Variants in GALNTL5 observed in about 807,000 individuals in gnomAD.
GALNTL5 encodes the protein inactive polypeptide N-acetylgalactosaminyltransferase-like protein 5.
GALNTL5 carries 44 observed loss-of-function variants against 51.0 expected under a neutral mutation model. The ratio of observed to expected loss-of-function variants is 0.86; its 90% CI spans 0.68 to 1.11. The LOEUF (loss-of-function observed/expected upper bound fraction) is 1.11, where lower values mean the gene tolerates loss of function less well. Among genes scored for constraint, GALNTL5 ranks in the 50% least tolerant of loss-of-function variants. The pLI, the probability that GALNTL5 is intolerant of heterozygous loss-of-function variation, is 0.00. For synonymous variants in GALNTL5, 192 were observed against 182.8 expected (o/e 1.05, Z -0.41); for missense variants, 528 against 531.8 (o/e 0.99, Z 0.07).
intron 5 of GALNTL5, among the ~76,000 whole-genome samples, chr7:151,997,889 A>G (rs907811261): frequency 6.6e-6 from 1 of 152,208 alleles, no homozygotes; most frequent in African/African-American, 2.4e-5. Flanking sequence ...AACTGGATTA[A>G]TGTTAATTTT....
At chr7:151,975,080 G>A (rs113150134) in intron 3 of GALNTL5, among the ~76,000 whole-genome samples, 1 of 152,022 alleles carries the variant, frequency 6.6e-6, no homozygotes, top group Non-Finnish European at 1.5e-5. Context: ...TTTAAAAAAT[G>A]TAATTTGGTC....
chr7:152,006,680 T>C (rs186322302), intron 6 of GALNTL5, among the ~76,000 whole-genome samples: 1 of 152,338 alleles, frequency 6.6e-6, no homozygotes, highest in African/African-American at 2.4e-5. Flanking sequence ...GGGTCTTGGT[T>C]TGTGTGTTGA....
At chr7:152,019,576 A>G (rs995730070) in intron 8 of GALNTL5, 70 bp from the exon 9 acceptor site, 1 of 1,415,906 alleles carries the variant, frequency 7.1e-7, no homozygotes, top group African/African-American at 1.4e-5. Context: ...CGTCTATGTT[A>G]GATATAATCA....
intron 8 of GALNTL5, among the ~76,000 whole-genome samples, chr7:152,015,474 C>A (rs190298261): frequency 1.1e-4 from 16 of 151,980 alleles, no homozygotes; most frequent in Non-Finnish European, 1.9e-4. Context: ...ATCCTCCTGC[C>A]TCAGCCTCTG....
Position 152,019,670 on chromosome 7 carries a change from G to T in GALNTL5, c.1201G>T (p.Gly401Cys). The change falls in exon 9 of 9, where the codon GGT becomes TGT. Residue 401 changes from glycine to cysteine, a missense_variant. Gly to Cys is a radical substitution (Grantham distance 159). Transcript: ENST00000392800. ...GGAGCAGTTTTTTCTTCGAAAGCCT[G>T]GTCTGAAATATGTCACCTACGGAAA... The part of the protein sequence containing the change: ...YKEQFFLRKP[G>C]LKYVTYGNIR... The T allele has an allele frequency of 6.2e-7, 1 of 1,612,362 alleles. No individual in the cohort carries two copies. The highest frequency in any genetic ancestry group is 8.5e-7 in the Non-Finnish European group (1 of 1,179,102).
intron 4 of GALNTL5, chr7:151,985,938 T>G (rs1471653913): frequency 2.6e-5 from 4 of 152,342 alleles, no homozygotes; most frequent in Non-Finnish European, 5.9e-5. Context: ...GGGATTACCA[T>G]GAACCTGTTC....
Position 152,002,771 on chromosome 7 carries a change from C to T in GALNTL5, c.716C>T (p.Pro239Leu), listed in dbSNP as rs778235919. Residue 239 changes from proline to leucine, a missense_variant, in exon 6 of 9, where the codon CCC (proline) becomes CTC (leucine). Coordinates refer to ENST00000392800, the MANE Select transcript of GALNTL5 (RefSeq NM_145292.4). ...GAGGTGAACAGAGTATGGCTGGAGC[C>T]CCTGCTGCATGCCATTGCCAAGGAC... Reference protein sequence around the residue: ...HCEVNRVWLEPLLHAIAKDPK... With the variant: ...HCEVNRVWLELLLHAIAKDPK... 6.2e-7 allele frequency: 1 copy of T among 1,614,108 alleles called. No homozygotes were observed. The highest frequency in any genetic ancestry group is 1.3e-5 in the African/African-American group (1 of 75,016).
intron 5 of GALNTL5, 118 bp from the exon 6 acceptor site, chr7:152,002,596 T>C: frequency 1.9e-6 from 2 of 1,040,808 alleles, no homozygotes; most frequent in Non-Finnish European, 2.8e-6. Context: ...ATGAAAGCAC[T>C]GTAAGAGCCA....
At chr7:152,005,231 A>T (rs969546956) in intron 6 of GALNTL5, among the ~76,000 whole-genome samples, 7 of 152,122 alleles carry the variant, frequency 4.6e-5, no homozygotes, top group African/African-American at 1.7e-4. Flanking sequence ...CTTAACACAC[A>T]CACACACAAA....
chr7:151,987,059 G>A, intron 4 of GALNTL5, 100 bp from the exon 5 acceptor site: 1 of 1,047,438 alleles, frequency 9.5e-7, no homozygotes, highest in Admixed American at 3.3e-5. Context: ...GAACTTCTGT[G>A]GAATAGCATG....
chr7:151,981,571 TTCCTTCCTTCCTTCCTTCCC>T (rs1315602894), intron 3 of GALNTL5, among the ~76,000 whole-genome samples: 25,711 of 67,910 alleles, frequency 0.38, 2,941 homozygotes, highest in Non-Finnish European at 0.45. Flanking sequence ...CCTTCCTTCC[TTCCTTCCTTCCTTCCTTCCC>T]TCCTTCCTTC....
chr7:151,981,977 C>A (rs1416640398), intron 3 of GALNTL5, among the ~76,000 whole-genome samples: 1 of 151,586 alleles, frequency 6.6e-6, no homozygotes, highest in African/African-American at 2.4e-5. Context: ...AAAGTTAGCT[C>A]CAGCAGATTT....
intron 2 of GALNTL5, among the ~76,000 whole-genome samples, chr7:151,970,171 G>A (rs1283559439): frequency 1.4e-5 from 2 of 139,492 alleles, no homozygotes; most frequent in Admixed American, 7.0e-5. Context: ...ACCAATAGAC[G>A]CCTGGCCGCT....
intron 6 of GALNTL5, among the ~76,000 whole-genome samples, chr7:152,006,510 C>T (rs2081645282): frequency 6.6e-6 from 1 of 152,130 alleles, no homozygotes; most frequent in Admixed American, 6.5e-5. Flanking sequence ...CAGTAGGCAC[C>T]CCACACCCGA....
chr7:151,960,844 A>G (rs374701596), intron 1 of GALNTL5, among the ~76,000 whole-genome samples: 1 of 152,224 alleles, frequency 6.6e-6, no homozygotes, highest in East Asian at 1.9e-4. Flanking sequence ...GTAGCGCAGC[A>G]CAGCATCCCA....
intron 7 of GALNTL5, among the ~76,000 whole-genome samples, chr7:152,014,047 G>C (rs2081773964): frequency 6.6e-6 from 1 of 152,182 alleles, no homozygotes; most frequent in South Asian, 2.1e-4. Flanking sequence ...AATTATGAGA[G>C]AGGCAGAACC....
intron 3 of GALNTL5, among the ~76,000 whole-genome samples, chr7:151,978,631 A>G (rs2081235275): frequency 6.6e-6 from 1 of 152,200 alleles, no homozygotes; most frequent in African/African-American, 2.4e-5. Flanking sequence ...GACAACAAAA[A>G]TTATTCTCTC....
At position 151,986,714 on chromosome 7, in the gene GALNTL5, A is replaced by T. The variant is rs191217635; in HGVS notation, c.536-445A>T. Reference sequence around the variant, plus strand: ...CTTGTGTTTCTCTCCCTTAAATGGGATAAAAATTCTATCTTTTTTTTTTTT... The same window carrying T: ...CTTGTGTTTCTCTCCCTTAAATGGGTTAAAAATTCTATCTTTTTTTTTTTT... On this transcript the variant is annotated intron_variant, in intron 4 of 8. Transcript: ENST00000392800. 3.0e-5 allele frequency among the ~76,000 whole-genome samples: 4 copies of T among 134,226 alleles called. No homozygotes were observed. In the Admixed American group the frequency reaches 3.5e-4, roughly 12 times the overall value. 88.1% of individuals were successfully genotyped at this position (134,226 alleles called of 152,430 possible).
intron 5 of GALNTL5, among the ~76,000 whole-genome samples, chr7:151,993,042 G>A (rs184085032): frequency 3.3e-5 from 5 of 151,940 alleles, no homozygotes; most frequent in Admixed American, 6.6e-5. Flanking sequence ...GTTCGAGACT[G>A]GTCTGACCAA....
Sources: allele counts gnomAD v4.1 joint callset (sites outside exome capture counted in the v4.1 genomes callset), GRCh38; gene constraint gnomAD v4.1.1; transcripts MANE v1.5; gene names NCBI Gene and HGNC (gene_info 2026-07-23, HGNC 2026-07-21).